Variants in FGD4 observed in about 807,000 individuals in gnomAD.
The protein encoded by FGD4 is FYVE, RhoGEF and PH domain containing 4.
A neutral mutation model predicts 102.0 loss-of-function variants in FGD4; 42 were observed. That is an observed-to-expected ratio of 0.41 (90% CI 0.32 to 0.53). FGD4 has a LOEUF of 0.53. Among genes scored for constraint, FGD4 ranks in the 20% least tolerant of loss-of-function variants. The probability of loss-of-function intolerance (pLI) is 0.21; values close to 1 mark genes in which losing one functional copy is unlikely to be tolerated. For missense variants in FGD4, 902 were observed against 1,078.2 expected (o/e 0.84, Z 2.29); for synonymous variants, 380 against 375.7 (o/e 1.01, Z -0.13).
intron 1 of FGD4, among the ~76,000 whole-genome samples, chr12:32,457,027 A>G (rs1942966001): frequency 6.6e-6 from 1 of 152,244 alleles, no homozygotes; most frequent in Admixed American, 6.5e-5. Flanking sequence ...GAACTGGTGT[A>G]TCCTATTCTA....
chr12:32,531,507 A>G (rs1249479116), intron 1 of FGD4, among the ~76,000 whole-genome samples: 1 of 152,136 alleles, frequency 6.6e-6, no homozygotes, highest in Non-Finnish European at 1.5e-5. Flanking sequence ...TCTGTTTACT[A>G]TTCCTGTAAG....
intron 1 of FGD4, among the ~76,000 whole-genome samples, chr12:32,430,198 C>T (rs1318305166): frequency 6.6e-6 from 1 of 151,930 alleles, no homozygotes; most frequent in Non-Finnish European, 1.5e-5. Flanking sequence ...ATTCCAGCTA[C>T]TTGGGAGACT....
chr12:32,416,383 A>G (rs1941412137), intron 1 of FGD4, among the ~76,000 whole-genome samples: 1 of 152,012 alleles, frequency 6.6e-6, no homozygotes, highest in East Asian at 1.9e-4. Flanking sequence ...CTACCATTTT[A>G]TTTGTCTTCT....
At chr12:32,612,310 T>C (rs1949190060) in intron 10 of FGD4, among the ~76,000 whole-genome samples, 1 of 152,234 alleles carries the variant, frequency 6.6e-6, no homozygotes, top group Admixed American at 6.5e-5. Context: ...CCGGACCCTG[T>C]GCTCGCTCAT....
intron 1 of FGD4, among the ~76,000 whole-genome samples, chr12:32,548,435 CTG>C (rs1304173278): frequency 1.2e-3 from 178 of 152,310 alleles, no homozygotes; most frequent in Non-Finnish European, 1.7e-3. Context: ...TGAAATAAAA[CTG>C]CATGCATTAT....
At chr12:32,434,301 T>G (rs546634524) in intron 1 of FGD4, among the ~76,000 whole-genome samples, 1 of 152,376 alleles carries the variant, frequency 6.6e-6, no homozygotes, top group Non-Finnish European at 1.5e-5. Context: ...GACTTACTGG[T>G]AATTTGTTCT....
intron 1 of FGD4, among the ~76,000 whole-genome samples, chr12:32,402,047 C>A (rs1393704398): frequency 1.3e-5 from 2 of 150,768 alleles, no homozygotes; most frequent in African/African-American, 4.9e-5. Context: ...GGACTACAGG[C>A]GCCCGCCACC....
chr12:32,526,390 C>G (rs1344334688), intron 1 of FGD4, among the ~76,000 whole-genome samples: 1 of 152,194 alleles, frequency 6.6e-6, no homozygotes, highest in Non-Finnish European at 1.5e-5. Context: ...TTTGTGAATG[C>G]ACCAATCGAC....
chr12:32,399,697 C>T lies in FGD4; in HGVS notation c.-97C>T. ...CCGCAGTAGAGGGCGCCCCCGGAGT[C>T]GCGCCGAACCTGGGCATGCAGGCGA... On this transcript the variant is annotated 5_prime_UTR_variant, in exon 1 of 17. Coordinates refer to ENST00000534526, the MANE Select transcript of FGD4 (RefSeq NM_001370298.3). 3 of 1,466,148 alleles carry T rather than the reference C, an allele frequency of 2.0e-6. No individual in the cohort carries two copies. Among genetic ancestry groups the T allele is most frequent in the Non-Finnish European group, 2.7e-6 (3 of 1,119,202 alleles). The allele number at this position is 1,466,148 out of a possible 1,614,324, so 90.8% of individuals were successfully genotyped here.
chr12:32,522,311 G>A (rs989100501), intron 1 of FGD4, among the ~76,000 whole-genome samples: 5 of 152,156 alleles, frequency 3.3e-5, no homozygotes, highest in African/African-American at 4.8e-5. Flanking sequence ...GAAGATCCTC[G>A]TTATATTTAG....
At chr12:32,622,296 C>T (rs925083437) in intron 11 of FGD4, among the ~76,000 whole-genome samples, 1 of 152,222 alleles carries the variant, frequency 6.6e-6, no homozygotes, top group Non-Finnish European at 1.5e-5. Context: ...TGTCTAACTA[C>T]AGGGTAGATA....
chr12:32,424,644 A>G (rs1054222878), intron 1 of FGD4, among the ~76,000 whole-genome samples: 1 of 152,228 alleles, frequency 6.6e-6, no homozygotes, highest in African/African-American at 2.4e-5. Flanking sequence ...AGAAATAGCC[A>G]TACTGTCTTC....
chr12:32,430,006 C>T (rs2136433614), intron 1 of FGD4, among the ~76,000 whole-genome samples: 1 of 151,360 alleles, frequency 6.6e-6, no homozygotes, highest in South Asian at 2.1e-4. Flanking sequence ...GAAACAGAAA[C>T]ATTATTAGAA....
At chr12:32,401,903 A>ATT (rs537785812) in intron 1 of FGD4, among the ~76,000 whole-genome samples, 6,132 of 85,002 alleles carry the variant, frequency 0.072, 303 homozygotes, top group South Asian at 0.12. Context: ...ATTTTTGTAC[A>ATT]TTTTTTTTTT....
At chr12:32,602,083 A>T in intron 6 of FGD4, 78 bp from the exon 7 acceptor site, 1 of 1,336,460 alleles carries the variant, frequency 7.5e-7, no homozygotes, top group Non-Finnish European at 1.1e-6. Context: ...CCACTGCACT[A>T]CAGTCTGGGT....
intron 1 of FGD4, among the ~76,000 whole-genome samples, chr12:32,451,126 C>T (rs778933674): frequency 6.6e-6 from 1 of 152,196 alleles, no homozygotes; most frequent in Non-Finnish European, 1.5e-5. Flanking sequence ...GAGGTCTTGC[C>T]TATCTCCTTT....
intron 1 of FGD4, among the ~76,000 whole-genome samples, chr12:32,481,467 A>C (rs1943762642): frequency 6.6e-6 from 1 of 152,146 alleles, no homozygotes; most frequent in Non-Finnish European, 1.5e-5. Flanking sequence ...TTTCTAAATA[A>C]AATGCTAAAA....
At position 32,564,425 on chromosome 12, in the gene FGD4, T is replaced by TC. The variant is rs749121269; in HGVS notation, c.319+138dup. ...GGGTACATTATTTTTTAGAGAAGAG[T>TC]CCATCTGTGCATCTTCTCAGGCAGA... On this transcript the variant is annotated intron_variant, in intron 2 of 16. Transcript: ENST00000534526. 5.1e-4 allele frequency: 568 copies of TC among 1,107,944 alleles called. 1 individual carries two copies. The highest frequency in any genetic ancestry group is 1.5e-3 in the Admixed American group (52 of 35,578). 68.6% of individuals were successfully genotyped at this position (1,107,944 alleles called of 1,614,324 possible). A position where few individuals can be genotyped will look rare whatever the true frequency, so the allele number is the denominator to read the frequency against.
chr12:32,576,946 C>T (rs1009783353), intron 3 of FGD4, among the ~76,000 whole-genome samples: 1 of 152,042 alleles, frequency 6.6e-6, no homozygotes, highest in Non-Finnish European at 1.5e-5. Context: ...CATTCAGTCC[C>T]GGTTTCCCCT....
Sources: gnomAD v4.1 joint callset for allele counts (sites outside exome capture counted in the v4.1 genomes callset) on GRCh38, gnomAD v4.1.1 for gene constraint, MANE v1.5 for transcripts, NCBI Gene and HGNC (gene_info 2026-07-23, HGNC 2026-07-21) for gene names.